CCDC178: variants seen among roughly 807,000 people sequenced by gnomAD.
CCDC178 encodes coiled-coil domain containing 178.
CCDC178 carries 126 observed loss-of-function variants against 117.4 expected under a neutral mutation model. The ratio of observed to expected loss-of-function variants is 1.07; its 90% CI spans 0.93 to 1.24. CCDC178 has a LOEUF of 1.24. Ranked by LOEUF, CCDC178 falls within the 50% of genes most tolerant of loss-of-function variation. CCDC178 has a pLI of 0.00. For missense variants in CCDC178, 1,030 were observed against 986.9 expected, an observed-to-expected ratio of 1.04 and a Z score of -0.59; for synonymous variants, 283 against 313.4, an observed-to-expected ratio of 0.90 and a Z score of 1.02.
At chr18:33,175,018 A>G (rs913619127) in intron 20 of CCDC178, among the ~76,000 whole-genome samples, 2 of 148,944 alleles carry the variant, frequency 1.3e-5, no homozygotes, top group African/African-American at 5.1e-5. Context: ...CAACCCGGCT[A>G]ATTTTTTATT....
intron 21 of CCDC178, among the ~76,000 whole-genome samples, chr18:33,018,736 TAGG>T (rs1205320783): frequency 6.6e-6 from 1 of 152,020 alleles, no homozygotes; most frequent in Non-Finnish European, 1.5e-5. Flanking sequence ...GCAACTGAAA[TAGG>T]AGGGAATGTG....
At chr18:33,096,993 T>C (rs774121076) in intron 20 of CCDC178, among the ~76,000 whole-genome samples, 1 of 152,082 alleles carries the variant, frequency 6.6e-6, no homozygotes, top group Non-Finnish European at 1.5e-5. Flanking sequence ...TGAGGTAAAC[T>C]GTATTTTCCA....
chr18:32,993,999 A>G (rs1206624104), intron 21 of CCDC178, among the ~76,000 whole-genome samples: 3 of 152,040 alleles, frequency 2.0e-5, no homozygotes, highest in Non-Finnish European at 4.4e-5. Flanking sequence ...ACTACTATAT[A>G]GAGAAGCCTT....
intron 21 of CCDC178, among the ~76,000 whole-genome samples, chr18:33,060,610 G>A (rs913929839): frequency 6.6e-6 from 1 of 151,572 alleles, no homozygotes; most frequent in Non-Finnish European, 1.5e-5. Flanking sequence ...AATTGGACTC[G>A]GTTGTAACTT....
In CCDC178 at chr18:33,003,538, A is replaced by G. The variant is rs147415997; in HGVS notation, c.2389-28857T>C. ...CTGGGCATAGTAGGAACATACCTCA[A>G]TATAATAAGAGCCATATGCAATAGA... On this transcript the variant is annotated intron_variant, in intron 21 of 22. Coordinates refer to ENST00000383096, the MANE Select transcript of CCDC178 (RefSeq NM_001105528.4). 5.3e-5 allele frequency among the ~76,000 whole-genome samples: 8 copies of G among 152,240 alleles called. No homozygotes were observed. The East Asian group carries it at 1.5e-3, about 29-fold the overall frequency.
At chr18:33,091,782 C>T (rs1045799037) in intron 21 of CCDC178, among the ~76,000 whole-genome samples, 8 of 151,978 alleles carry the variant, frequency 5.3e-5, no homozygotes, top group African/African-American at 1.9e-4. Flanking sequence ...CGTATAGCAT[C>T]CCTTAAATTT....
chr18:33,341,493 G>A (rs2062816510), intron 9 of CCDC178, among the ~76,000 whole-genome samples: 1 of 152,180 alleles, frequency 6.6e-6, no homozygotes, highest in Admixed American at 6.5e-5. Context: ...GAATGATATA[G>A]TTTGGCTGTG....
At chr18:33,125,541 T>G (rs1446166054) in intron 20 of CCDC178, among the ~76,000 whole-genome samples, 1 of 152,236 alleles carries the variant, frequency 6.6e-6, no homozygotes, top group Non-Finnish European at 1.5e-5. Flanking sequence ...CTTTTTTATG[T>G]TCTTAAAGAA....
intron 11 of CCDC178, among the ~76,000 whole-genome samples, chr18:33,312,917 C>T (rs933182536): frequency 1.3e-5 from 2 of 152,158 alleles, no homozygotes. Flanking sequence ...AAGTATACTC[C>T]AGTGGGCCAG....
intron 9 of CCDC178, among the ~76,000 whole-genome samples, chr18:33,345,757 TCA>T (rs1398030876): frequency 3.9e-5 from 6 of 152,228 alleles, no homozygotes; most frequent in Non-Finnish European, 8.8e-5. Context: ...CAGTGCAGTC[TCA>T]CAGTTTTTAT....
At chr18:32,998,922 G>A (rs1348593606) in intron 21 of CCDC178, among the ~76,000 whole-genome samples, 2 of 151,902 alleles carry the variant, frequency 1.3e-5, no homozygotes, top group African/African-American at 4.8e-5. Context: ...TGGTGGCTAC[G>A]GAAAGAGGCT....
chr18:33,109,580 G>A (rs1325614289), intron 20 of CCDC178, among the ~76,000 whole-genome samples: 1 of 151,360 alleles, frequency 6.6e-6, no homozygotes, highest in Non-Finnish European at 1.5e-5. Flanking sequence ...AACATAACTA[G>A]CATCTACATG....
At chr18:33,081,932 C>T (rs2057304713) in intron 21 of CCDC178, among the ~76,000 whole-genome samples, 1 of 152,166 alleles carries the variant, frequency 6.6e-6, no homozygotes, top group South Asian at 2.1e-4. Flanking sequence ...GTGAGAATTG[C>T]TCTTCAACTG....
At chr18:33,214,963 G>A (rs1224807932) in intron 19 of CCDC178, among the ~76,000 whole-genome samples, 1 of 151,844 alleles carries the variant, frequency 6.6e-6, no homozygotes, top group Non-Finnish European at 1.5e-5. Flanking sequence ...TTACAAGATA[G>A]GAAATGAGAA....
intron 11 of CCDC178, among the ~76,000 whole-genome samples, chr18:33,314,235 A>G (rs1238162411): frequency 2.1e-5 from 3 of 144,330 alleles, no homozygotes; most frequent in Admixed American, 1.4e-4. Context: ...AAAAAAAAAG[A>G]AATTGTGCCT....
intron 12 of CCDC178, among the ~76,000 whole-genome samples, chr18:33,290,154 G>A (rs1436794057): frequency 6.6e-6 from 1 of 152,134 alleles, no homozygotes; most frequent in African/African-American, 2.4e-5. Context: ...AATTAGCACA[G>A]ATGGCTAAAT....
chr18:33,218,625 TGTATAAG>T (rs1004938687), intron 18 of CCDC178, among the ~76,000 whole-genome samples: 3 of 152,186 alleles, frequency 2.0e-5, no homozygotes, highest in African/African-American at 7.2e-5. Flanking sequence ...AATTAATTTT[TGTATAAG>T]GTATAAGGAA....
chr18:33,074,332 C>G (rs766860321), intron 21 of CCDC178, among the ~76,000 whole-genome samples: 43 of 152,012 alleles, frequency 2.8e-4, no homozygotes, highest in Non-Finnish European at 1.3e-4. Context: ...CCCTTTATGC[C>G]CTGTTCCAAT....
At chr18:33,174,420 A>G (rs942307982) in intron 20 of CCDC178, among the ~76,000 whole-genome samples, 2 of 152,236 alleles carry the variant, frequency 1.3e-5, no homozygotes, top group African/African-American at 4.8e-5. Flanking sequence ...AGACACTTGA[A>G]ATGAGTCCAT....
Sources: allele counts gnomAD v4.1 joint callset (sites outside exome capture counted in the v4.1 genomes callset), GRCh38; gene constraint gnomAD v4.1.1; transcripts MANE v1.5; gene names NCBI Gene and HGNC (gene_info 2026-07-23, HGNC 2026-07-21).